The following STK39 variants were observed in gnomAD, a reference collection of about 807,000 sequenced individuals.
The protein encoded by STK39 is STE20/SPS1-related proline-alanine-rich protein kinase.
Under a neutral mutation model 77.8 loss-of-function variants are expected in STK39, and 20 were observed. The ratio of observed to expected loss-of-function variants is 0.26; its 90% confidence interval spans 0.18 to 0.37. The LOEUF (loss-of-function observed/expected upper bound fraction) is 0.37, where lower values mean the gene tolerates loss of function less well. STK39 is among the 10% of genes least tolerant of loss of function. The pLI, the probability that STK39 is intolerant of heterozygous loss-of-function variation, is 1.00. For missense variants in STK39, 479 were observed against 656.5 expected (o/e 0.73, Z 2.95); for synonymous variants, 246 against 234.1 (o/e 1.05, Z -0.47).
intron 3 of STK39, among the ~76,000 whole-genome samples, chr2:168,167,015 T>G (rs561858768): frequency 6.6e-6 from 1 of 152,050 alleles, no homozygotes; most frequent in East Asian, 1.9e-4. Context: ...GGCAAAGGCA[T>G]GAGAGCACAT....
intron 2 of STK39, among the ~76,000 whole-genome samples, chr2:168,172,969 A>C (rs1559132403): frequency 6.6e-6 from 1 of 152,168 alleles, no homozygotes; most frequent in Non-Finnish European, 1.5e-5. Context: ...GGCCCCAGGG[A>C]GGCTGCTGTA....
chr2:168,070,443 C>CT lies in STK39; in HGVS notation c.1242+4538dup, dbSNP rs542248785. On this transcript the variant is annotated intron_variant, in intron 12 of 17. Coordinates refer to ENST00000355999, the MANE Select transcript of STK39 (RefSeq NM_013233.3). ...GTGGGTGACTAATACTTCGATATTTCTTTTTTTTTTTTTTAATTATACTTT... is the reference window on the plus strand; with the variant it reads ...GTGGGTGACTAATACTTCGATATTTCTTTTTTTTTTTTTTTAATTATACTTT... 3.9e-3 allele frequency among the ~76,000 whole-genome samples: 546 copies of CT among 140,634 alleles called. 13 individuals carry two copies. In the East Asian group the frequency reaches 0.058, roughly 15 times the overall value. 92.3% of individuals were successfully genotyped at this position (140,634 alleles called of 152,430 possible).
At chr2:167,994,667 G>A (rs1683786592) in intron 16 of STK39, among the ~76,000 whole-genome samples, 1 of 152,166 alleles carries the variant, frequency 6.6e-6, no homozygotes, top group South Asian at 2.1e-4. Context: ...AACCATTGTG[G>A]ATATTTCATG....
chr2:167,977,317 G>A (rs1014452475), intron 16 of STK39, among the ~76,000 whole-genome samples: 2 of 152,142 alleles, frequency 1.3e-5, no homozygotes, highest in Non-Finnish European at 2.9e-5. Context: ...TATGGGAAGT[G>A]TCCAATAATC....
chr2:168,206,466 A>G (rs1440315183), intron 1 of STK39, among the ~76,000 whole-genome samples: 1 of 151,884 alleles, frequency 6.6e-6, no homozygotes, highest in African/African-American at 2.4e-5. Context: ...ACACCCAGCT[A>G]ATTTTCGTTA....
chr2:168,193,316 C>T (rs148150892), intron 1 of STK39, among the ~76,000 whole-genome samples: 15 of 152,138 alleles, frequency 9.9e-5, no homozygotes, highest in Admixed American at 1.3e-4. Context: ...CCTCTTCACA[C>T]ACTCTCACCC....
intron 10 of STK39, among the ~76,000 whole-genome samples, chr2:168,124,149 G>A (rs1687480688): frequency 6.6e-6 from 1 of 152,154 alleles, no homozygotes; most frequent in Non-Finnish European, 1.5e-5. Flanking sequence ...TTCTGATAAT[G>A]ACTAAACATT....
At chr2:168,177,648 A>T (rs374375659) in intron 2 of STK39, among the ~76,000 whole-genome samples, 1 of 152,254 alleles carries the variant, frequency 6.6e-6, no homozygotes, top group East Asian at 1.9e-4. Context: ...TTCAAGAAAA[A>T]GCACTCATGC....
chr2:168,237,625 A>C (rs1037881426), intron 1 of STK39, among the ~76,000 whole-genome samples: 18 of 152,108 alleles, frequency 1.2e-4, no homozygotes, highest in Admixed American at 2.0e-4. Flanking sequence ...TCCCATCAAT[A>C]CCTAATTTAT....
At chr2:167,977,298 T>C (rs1039650522) in intron 16 of STK39, among the ~76,000 whole-genome samples, 2 of 152,146 alleles carry the variant, frequency 1.3e-5, no homozygotes, top group African/African-American at 4.8e-5. Flanking sequence ...TGTCCAATAA[T>C]CATTATGTTA....
chr2:168,144,817 G>A (rs73971321), intron 5 of STK39, among the ~76,000 whole-genome samples: 5,112 of 151,756 alleles, frequency 0.034, 249 homozygotes, highest in East Asian at 0.23. Context: ...AATATTTGTC[G>A]GGCATGATAG....
intron 14 of STK39, among the ~76,000 whole-genome samples, chr2:168,026,507 T>C (rs1401159443): frequency 1.3e-5 from 2 of 152,206 alleles, no homozygotes; most frequent in African/African-American, 2.4e-5. Flanking sequence ...TAAATCATTA[T>C]TGATCACCTA....
chr2:168,113,467 G>A (rs1456157615), intron 10 of STK39, among the ~76,000 whole-genome samples: 2 of 152,236 alleles, frequency 1.3e-5, no homozygotes, highest in Non-Finnish European at 2.9e-5. Flanking sequence ...AGGAAGGGCT[G>A]CTCCAGTGAC....
intron 14 of STK39, among the ~76,000 whole-genome samples, chr2:168,047,328 T>A (rs187337885): frequency 6.6e-6 from 1 of 152,230 alleles, no homozygotes; most frequent in Admixed American, 6.5e-5. Context: ...GCTGTGGTAA[T>A]ACACATTCAT....
intron 14 of STK39, among the ~76,000 whole-genome samples, chr2:168,035,590 C>T (rs1684931174): frequency 6.6e-6 from 1 of 152,042 alleles, no homozygotes; most frequent in Non-Finnish European, 1.5e-5. Context: ...AGAAGAAAAA[C>T]CGTTCGGCTC....
chr2:168,044,523 A>G (rs1433083233), intron 14 of STK39, among the ~76,000 whole-genome samples: 1 of 152,214 alleles, frequency 6.6e-6, no homozygotes, highest in Non-Finnish European at 1.5e-5. Flanking sequence ...ACTGTTTATA[A>G]GAAAGATGCT....
At chr2:168,034,839 C>T (rs964659820) in intron 14 of STK39, among the ~76,000 whole-genome samples, 1 of 152,170 alleles carries the variant, frequency 6.6e-6, no homozygotes, top group African/African-American at 2.4e-5. Context: ...AATTATATAA[C>T]TTCTTAGAGC....
chr2:168,079,385 C>A (rs890083050), intron 10 of STK39, among the ~76,000 whole-genome samples: 5 of 152,206 alleles, frequency 3.3e-5, no homozygotes, highest in Non-Finnish European at 5.9e-5. Flanking sequence ...CCCCATGTCC[C>A]CTGGCCAGAT....
intron 10 of STK39, among the ~76,000 whole-genome samples, chr2:168,102,861 C>T (rs569797284): frequency 3.1e-3 from 408 of 129,944 alleles, no homozygotes; most frequent in Admixed American, 7.3e-3. Context: ...ACCTGGGAGG[C>T]GGAGCTTGTA....
Sources: gnomAD v4.1 joint callset for allele counts (sites outside exome capture counted in the v4.1 genomes callset) on GRCh38, gnomAD v4.1.1 for gene constraint, MANE v1.5 for transcripts, NCBI Gene and HGNC (gene_info 2026-07-23, HGNC 2026-07-21) for gene names.